Variants in KAZN observed in about 807,000 individuals in gnomAD.
KAZN encodes the protein kazrin, periplakin interacting protein.
A neutral mutation model predicts 87.4 loss-of-function variants in KAZN; 40 were observed. That is an observed-to-expected ratio of 0.46 (90% CI 0.36 to 0.60). KAZN has a LOEUF of 0.60. KAZN is among the 20% of genes least tolerant of loss of function. The pLI is 0.00. For missense variants in KAZN, 898 were observed against 1,073.9 expected (o/e 0.84, Z 2.29); for synonymous variants, 466 against 458.3 (o/e 1.02, Z -0.22).
chr1:14,403,724 C>A (rs546831295), intron 2 of KAZN, among the ~76,000 whole-genome samples: 11 of 152,198 alleles, frequency 7.2e-5, no homozygotes, highest in Non-Finnish European at 1.3e-4. Context: ...GATACCATTT[C>A]ACAGCATCTG....
chr1:13,956,292 A>G (rs1023651299), intron 1 of KAZN, among the ~76,000 whole-genome samples: 3 of 140,016 alleles, frequency 2.1e-5, no homozygotes, highest in African/African-American at 8.2e-5. Context: ...TTACTACATC[A>G]TTTCTTTTCT....
chr1:14,661,840 T>G (rs1639190013), intron 1 of KAZN, among the ~76,000 whole-genome samples: 1 of 152,032 alleles, frequency 6.6e-6, no homozygotes, highest in Non-Finnish European at 1.5e-5. Flanking sequence ...CACTTGAATC[T>G]GGGAGGCGGA....
rs374344972 is a variant in KAZN at position 15,068,192 on chromosome 1, G to A, written c.1222+2439G>A. 4.4e-6 allele frequency: 3 copies of A among 680,614 alleles called. No homozygotes were observed. The East Asian group carries it at 4.0e-4, about 92-fold the overall frequency. The allele number at this position is 680,614 out of a possible 1,614,324, so 42.2% of individuals were successfully genotyped here. On this transcript the variant is annotated intron_variant, in intron 8 of 14. Coordinates refer to ENST00000376030, the MANE Select transcript of KAZN (RefSeq NM_201628.3). ...ATTTGATTGCTTCTATTTGGCTCCGGGTGGGAGGCTCTGCCCCTCTGGGAG... is the reference window on the plus strand; with the variant it reads ...ATTTGATTGCTTCTATTTGGCTCCGAGTGGGAGGCTCTGCCCCTCTGGGAG...
chr1:14,389,129 T>C (rs1662203417), intron 2 of KAZN, among the ~76,000 whole-genome samples: 1 of 152,124 alleles, frequency 6.6e-6, no homozygotes, highest in Non-Finnish European at 1.5e-5. Context: ...ATCAGAGAAA[T>C]GCAAATCAAA....
intron 1 of KAZN, among the ~76,000 whole-genome samples, chr1:14,046,684 T>C (rs907726732): frequency 1.4e-4 from 22 of 152,154 alleles, no homozygotes; most frequent in African/African-American, 5.3e-4. Context: ...GATGGAGGCA[T>C]ACAGTGTCCA....
chr1:14,473,860 G>A (rs1006989314), intron 2 of KAZN, among the ~76,000 whole-genome samples: 3 of 152,068 alleles, frequency 2.0e-5, no homozygotes, highest in African/African-American at 7.2e-5. Flanking sequence ...CTGGTTATCT[G>A]GGAGGCTGAC....
At chr1:14,298,011 G>A (rs1325214585) in intron 2 of KAZN, among the ~76,000 whole-genome samples, 1 of 152,090 alleles carries the variant, frequency 6.6e-6, no homozygotes, top group Admixed American at 6.5e-5. Context: ...AGATTGTTGA[G>A]CTCAGGAGTT....
intron 1 of KAZN, among the ~76,000 whole-genome samples, chr1:14,839,784 AT>A (rs1465388891): frequency 8.5e-5 from 13 of 152,296 alleles, no homozygotes; most frequent in Non-Finnish European, 1.2e-4. Context: ...TAGATGCTCC[AT>A]TGATGAAATG....
intron 1 of KAZN, among the ~76,000 whole-genome samples, chr1:14,731,886 G>A (rs1404251716): frequency 6.6e-6 from 1 of 152,230 alleles, no homozygotes; most frequent in Non-Finnish European, 1.5e-5. Context: ...GGGGTTGGGA[G>A]CGTTCCGTGA....
intron 1 of KAZN, among the ~76,000 whole-genome samples, chr1:14,789,760 C>CAAAAAAAAAAAAAAAAAAAAAAAAA (rs3032757): frequency 8.6e-5 from 4 of 46,252 alleles, no homozygotes; most frequent in African/African-American, 3.3e-4. Context: ...TCCTCATTAC[C>CAAAAAAAAAAAAAAAAAAAAAAAAA]AAAAAAAAAA....
intron 2 of KAZN, among the ~76,000 whole-genome samples, chr1:14,444,633 T>C (rs1363774128): frequency 6.6e-6 from 1 of 152,132 alleles, no homozygotes; most frequent in African/African-American, 2.4e-5. Flanking sequence ...TTCTGCTCTA[T>C]TGGTGCTCGC....
chr1:14,908,717 C>G (rs1217487410), intron 1 of KAZN, among the ~76,000 whole-genome samples: 1 of 150,024 alleles, frequency 6.7e-6, no homozygotes, highest in African/African-American at 2.5e-5. Context: ...GACCCTGGCT[C>G]AAAAAGAACA....
intron 2 of KAZN, among the ~76,000 whole-genome samples, chr1:14,979,663 G>A (rs888871629): frequency 6.6e-6 from 1 of 152,016 alleles, no homozygotes; most frequent in Non-Finnish European, 1.5e-5. Context: ...AAGCTCAGGG[G>A]AAGGGGCCCT....
intron 1 of KAZN, among the ~76,000 whole-genome samples, chr1:13,924,833 A>C (rs61777399): frequency 0.09 from 13,699 of 152,272 alleles, 706 homozygotes; most frequent in Middle Eastern, 0.15. Flanking sequence ...ACATGTCGTC[A>C]GGATCCCCTG....
chr1:14,419,986 G>A (rs144825637), intron 2 of KAZN, among the ~76,000 whole-genome samples: 6 of 152,264 alleles, frequency 3.9e-5, no homozygotes, highest in Middle Eastern at 3.4e-3. Context: ...TCCCGGCTCC[G>A]GCAGCCTGCT....
chr1:14,168,552 G>C (rs968214930), intron 1 of KAZN, among the ~76,000 whole-genome samples: 4 of 152,150 alleles, frequency 2.6e-5, no homozygotes, highest in African/African-American at 9.7e-5. Flanking sequence ...TTGACAAGCA[G>C]CCAGCTTCCT....
At chr1:14,522,113 C>T (rs1405934697) in intron 2 of KAZN, among the ~76,000 whole-genome samples, 1 of 152,176 alleles carries the variant, frequency 6.6e-6, no homozygotes, top group East Asian at 1.9e-4. Context: ...CTCCTGCTTG[C>T]ATAGAAGTCC....
intron 1 of KAZN, among the ~76,000 whole-genome samples, chr1:13,918,126 G>A (rs557035374): frequency 4.6e-5 from 7 of 152,312 alleles, no homozygotes; most frequent in South Asian, 2.1e-4. Context: ...TAAGATGTAC[G>A]CTCTGTAAGG....
chr1:14,766,842 A>G (rs1644897528), intron 1 of KAZN, among the ~76,000 whole-genome samples: 2 of 151,898 alleles, frequency 1.3e-5, no homozygotes, highest in South Asian at 4.2e-4. Flanking sequence ...ATGAGATGGT[A>G]TCCTCAAGTG....
Sources: gnomAD v4.1 joint callset for allele counts (sites outside exome capture counted in the v4.1 genomes callset) on GRCh38, gnomAD v4.1.1 for gene constraint, MANE v1.5 for transcripts, NCBI Gene and HGNC (gene_info 2026-07-23, HGNC 2026-07-21) for gene names.